The following MGAT3 variants were observed in gnomAD, a reference collection of about 807,000 sequenced individuals.
MGAT3 encodes the protein GlcNAc-T III.
In MGAT3, 9 loss-of-function variants were observed where a neutral mutation model predicts 29.8. The observed-to-expected ratio is 0.30, with a 90% CI of 0.18 to 0.53. The LOEUF (loss-of-function observed/expected upper bound fraction) is 0.53, where lower values mean the gene tolerates loss of function less well. MGAT3 is among the 20% of genes least tolerant of loss of function. The pLI is 0.96. For synonymous variants in MGAT3, 397 were observed against 348.9 expected, an observed-to-expected ratio of 1.14 and a Z score of -1.54; for missense variants, 557 against 769.5, an observed-to-expected ratio of 0.72 and a Z score of 3.27.
chr22:39,473,380 A>C (rs937746420), intron 1 of MGAT3, among the ~76,000 whole-genome samples: 2 of 152,208 alleles, frequency 1.3e-5, no homozygotes, highest in African/African-American at 4.8e-5. Context: ...GACCGCATGC[A>C]GTTATCAGGA....
chr22:39,475,138 T>TTTTTTTTTTTTTTTTTTTTTTTTTTTTTC lies in MGAT3; in HGVS notation c.-1-12197_-1-12196insTTTTTTTTTTTTTTTTCTTTTTTTTTTTT, dbSNP rs1928919318. 1.3e-5 allele frequency among the ~76,000 whole-genome samples: 2 copies of TTTTTTTTTTTTTTTTTTTTTTTTTTTTTC among 151,120 alleles called. 1 individual carries two copies. Among genetic ancestry groups the TTTTTTTTTTTTTTTTTTTTTTTTTTTTTC allele is most frequent in the African/African-American group, 4.9e-5 (2 of 40,922 alleles). On this transcript the variant is annotated intron_variant, in intron 1 of 1. Transcript: ENST00000341184. The stretch of plus-strand genomic sequence containing the variant: ...GCAGGGCTTGCCAGGCTTTTTTTTT[T>TTTTTTTTTTTTTTTTTTTTTTTTTTTTTC]TTTTTTTTTTTTAACTGTAGAAGCT...
chr22:39,462,193 C>T (rs1928518206), intron 1 of MGAT3, among the ~76,000 whole-genome samples: 1 of 152,334 alleles, frequency 6.6e-6, no homozygotes, highest in South Asian at 2.1e-4. Context: ...GCCACCACAC[C>T]CAGCCTGCAC....
In MGAT3 at chr22:39,488,569, C is replaced by T. The variant is rs1183378243; in HGVS notation, c.1222C>T (p.Leu408=). ...RTGHILVQWS[L]GSPLHFAGWH... ...CGGCCACATCCTGGTGCAGTGGTCGCTGGGCAGCCCCCTGCACTTCGCCGG... is the reference window on the plus strand; with the variant it reads ...CGGCCACATCCTGGTGCAGTGGTCGTTGGGCAGCCCCCTGCACTTCGCCGG... The change falls in exon 2 of 2, where the codon CTG becomes TTG. Residue 408 remains leucine, a synonymous_variant. Transcript: ENST00000341184. The T allele has an allele frequency of 1.2e-6, 2 of 1,613,304 alleles. No homozygotes were observed. Among genetic ancestry groups the T allele is most frequent in the South Asian group, 1.1e-5 (1 of 91,090 alleles).
intron 1 of MGAT3, chr22:39,472,877 G>A (rs1354582293): frequency 1.3e-5 from 2 of 152,506 alleles, no homozygotes; most frequent in Non-Finnish European, 2.9e-5. Flanking sequence ...CTCAAGGCAG[G>A]TATGGGCCGG....
intron 1 of MGAT3, among the ~76,000 whole-genome samples, chr22:39,476,283 G>C (rs1308281968): frequency 1.3e-5 from 2 of 152,212 alleles, no homozygotes; most frequent in African/African-American, 4.8e-5. Context: ...AGCCAGCAGA[G>C]AGTGGGGCTG....
intron 1 of MGAT3, among the ~76,000 whole-genome samples, chr22:39,462,112 G>A (rs1374715324): frequency 1.3e-5 from 2 of 152,098 alleles, no homozygotes; most frequent in Non-Finnish European, 2.9e-5. Flanking sequence ...ATGTGGGCCA[G>A]ATGTTCTCAA....
chr22:39,490,815 GCCAGGC>G lies in MGAT3; in HGVS notation c.*1874_*1879del, dbSNP rs1314500750. The G allele has an allele frequency of 1.2e-5, 2 of 166,454 alleles. No individual in the cohort carries two copies. The highest frequency in any genetic ancestry group is 2.4e-5 in the African/African-American group (1 of 41,250). The allele number at this position is 166,454 out of a possible 1,614,324, so 10.3% of individuals were successfully genotyped here. ...ACATGCTTGTGTATGGATGGAAGAG[GCCAGGC>G]CCAGGCCTGGCCTCTTCCTCGGGCC... On this transcript the variant is annotated 3_prime_UTR_variant, in exon 2 of 2. Transcript: ENST00000341184.
At chr22:39,466,848 T>C (rs571971538) in intron 1 of MGAT3, among the ~76,000 whole-genome samples, 41 of 152,368 alleles carry the variant, frequency 2.7e-4, no homozygotes, top group African/African-American at 9.6e-4. Context: ...TCATTGCATC[T>C]GAGCCTTGAT....
intron 1 of MGAT3, among the ~76,000 whole-genome samples, chr22:39,471,291 G>GA (rs1399839988): frequency 6.6e-6 from 1 of 152,154 alleles, no homozygotes; most frequent in Non-Finnish European, 1.5e-5. Context: ...GGAGCTGAAA[G>GA]CCCGAAGTAT....
chr22:39,466,405 T>C (rs1443149159), intron 1 of MGAT3, among the ~76,000 whole-genome samples: 1 of 152,174 alleles, frequency 6.6e-6, no homozygotes, highest in Non-Finnish European at 1.5e-5. Flanking sequence ...GGCCTGGAGC[T>C]CCTGGAATGC....
At chr22:39,465,639 A>G (rs1928621547) in intron 1 of MGAT3, among the ~76,000 whole-genome samples, 1 of 152,172 alleles carries the variant, frequency 6.6e-6, no homozygotes, top group African/African-American at 2.4e-5. Flanking sequence ...ACCGTGGCCC[A>G]TGGTTCCTGA....
At chr22:39,475,851 G>A (rs1928943527) in intron 1 of MGAT3, 1 of 152,262 alleles carries the variant, frequency 6.6e-6, no homozygotes, top group African/African-American at 2.4e-5. Flanking sequence ...GGTGGTGTGA[G>A]ACTTGTCCCA....
At chr22:39,465,801 G>A (rs1197398983) in intron 1 of MGAT3, among the ~76,000 whole-genome samples, 4 of 151,936 alleles carry the variant, frequency 2.6e-5, no homozygotes, top group South Asian at 2.1e-4. Flanking sequence ...GCATGGTGGC[G>A]GGTGCCTGTA....
At chr22:39,482,692 G>A (rs553365936) in intron 1 of MGAT3, among the ~76,000 whole-genome samples, 20 of 152,346 alleles carry the variant, frequency 1.3e-4, no homozygotes, top group Admixed American at 1.0e-3. Flanking sequence ...AACTATGCGG[G>A]CAGCTGCAAG....
At chr22:39,467,329 G>A (rs1461528194) in intron 1 of MGAT3, among the ~76,000 whole-genome samples, 1 of 152,326 alleles carries the variant, frequency 6.6e-6, no homozygotes, top group South Asian at 2.1e-4. Flanking sequence ...TGGAGAGATG[G>A]GAAAGGGGTG....
At position 39,487,729 on chromosome 22, in the gene MGAT3, C is replaced by T. The variant is rs1485623824; in HGVS notation, c.382C>T (p.Pro128Ser). ...ACCCGGCACCAAGATGCTGGAGAGGCCGCCCCCGGGACGGCCGGAGGAGAA... is the reference window on the plus strand; with the variant it reads ...ACCCGGCACCAAGATGCTGGAGAGGTCGCCCCCGGGACGGCCGGAGGAGAA... ...FKPGTKMLER[P>S]PPGRPEEKPE... The change falls in exon 2 of 2, where the codon CCG (proline) becomes TCG (serine). Residue 128 changes from proline to serine, a missense_variant. By Grantham distance (74) the Pro-to-Ser change is moderately conservative (BLOSUM62 -1). Coordinates refer to ENST00000341184, the MANE Select transcript of MGAT3 (RefSeq NM_002409.5). This position sits in a 1 kb window ranked among gnomAD's most constrained non-coding sequence, Gnocchi z 5.7. 20 of 1,556,056 alleles carry T rather than the reference C, an allele frequency of 1.3e-5. No individual in the cohort carries two copies. Among genetic ancestry groups the T allele is most frequent in the Admixed American group, 2.0e-5 (1 of 48,930 alleles).
At chr22:39,478,884 G>C (rs1421680138) in intron 1 of MGAT3, among the ~76,000 whole-genome samples, 1 of 152,210 alleles carries the variant, frequency 6.6e-6, no homozygotes, top group Non-Finnish European at 1.5e-5. Context: ...GGCACAAGAA[G>C]TGGGAAGAGG....
intron 1 of MGAT3, among the ~76,000 whole-genome samples, chr22:39,486,715 G>A (rs1485491223): frequency 6.6e-6 from 1 of 151,720 alleles, no homozygotes; most frequent in African/African-American, 2.4e-5. Flanking sequence ...TGTCCAAGCT[G>A]GTCTCAAACT....
At chr22:39,461,502 G>A (rs1464318847) in intron 1 of MGAT3, among the ~76,000 whole-genome samples, 1 of 152,116 alleles carries the variant, frequency 6.6e-6, no homozygotes, top group Non-Finnish European at 1.5e-5. Flanking sequence ...CCTGGCCTTG[G>A]GGTTCTGCAC....
Sources: gnomAD v4.1 joint callset for allele counts (sites outside exome capture counted in the v4.1 genomes callset) on GRCh38, gnomAD v4.1.1 for gene constraint, Gnocchi (gnomAD v3.1) non-coding constraint, MANE v1.5 for transcripts, NCBI Gene and HGNC (gene_info 2026-07-23, HGNC 2026-07-21) for gene names.